Variants in PKP2 observed in about 807,000 individuals in gnomAD.
PKP2 encodes the protein plakophilin 2.
PKP2 carries 73 observed loss-of-function variants against 83.4 expected under a neutral mutation model. The ratio of observed to expected loss-of-function variants is 0.88; its 90% CI spans 0.72 to 1.06. The LOEUF (loss-of-function observed/expected upper bound fraction) is 1.06, where lower values mean the gene tolerates loss of function less well. Among genes scored for constraint, PKP2 ranks in the 50% least tolerant of loss-of-function variants. The pLI, the probability that PKP2 is intolerant of heterozygous loss-of-function variation, is 0.00. For synonymous variants in PKP2, 409 were observed against 430.4 expected, an observed-to-expected ratio of 0.95 and a Z score of 0.62; for missense variants, 966 against 1,065.4, an observed-to-expected ratio of 0.91 and a Z score of 1.30.
At chr12:32,824,279 A>C in intron 6 of PKP2, 117 bp from the exon 7 acceptor site, 1 of 759,836 alleles carries the variant, frequency 1.3e-6, no homozygotes, top group Non-Finnish European at 2.4e-6. Flanking sequence ...AAATTTGTAA[A>C]AGTGTGGCAG....
chr12:32,841,899 T>C (rs1404669979), intron 5 of PKP2, among the ~76,000 whole-genome samples: 4 of 152,366 alleles, frequency 2.6e-5, no homozygotes, highest in South Asian at 2.1e-4. Flanking sequence ...ATCTTCCCTA[T>C]TGGCCAACTT....
chr12:32,823,802 C>T (rs1222938427), intron 7 of PKP2, among the ~76,000 whole-genome samples: 5 of 151,978 alleles, frequency 3.3e-5, no homozygotes, highest in Admixed American at 3.3e-4. Context: ...GGGGTTTCAC[C>T]ATGTTATCCA....
At chr12:32,858,512 T>TAA (rs1167553845) in intron 4 of PKP2, among the ~76,000 whole-genome samples, 1 of 152,092 alleles carries the variant, frequency 6.6e-6, no homozygotes, top group Non-Finnish European at 1.5e-5. Flanking sequence ...AAATGCTCCA[T>TAA]AATTATACAA....
intron 9 of PKP2, among the ~76,000 whole-genome samples, chr12:32,811,256 A>G (rs557054095): frequency 6.6e-6 from 1 of 152,372 alleles, no homozygotes; most frequent in African/African-American, 2.4e-5. Context: ...TGCCTGATGC[A>G]TTAGCACATC....
At chr12:32,835,547 A>G (rs764722569) in intron 6 of PKP2, among the ~76,000 whole-genome samples, 49 of 41,006 alleles carry the variant, frequency 1.2e-3, no homozygotes, top group Non-Finnish European at 1.5e-3. Flanking sequence ...AAGAGGAAAA[A>G]AAGAAAAAGA....
intron 1 of PKP2, among the ~76,000 whole-genome samples, chr12:32,883,751 T>TA (rs750692081): frequency 6.6e-5 from 10 of 152,260 alleles, no homozygotes; most frequent in East Asian, 3.9e-4. Flanking sequence ...ACAAATCAGT[T>TA]AGATGCCTGT....
intron 6 of PKP2, 36 bp downstream of exon 6, chr12:32,840,992 G>C (rs1280296619): frequency 1.9e-6 from 3 of 1,547,486 alleles, no homozygotes; most frequent in Non-Finnish European, 2.7e-6. Context: ...ATTTTTTATT[G>C]CATCTTCTAT....
chr12:32,852,856 G>C (rs1425969266), intron 4 of PKP2, among the ~76,000 whole-genome samples: 1 of 152,132 alleles, frequency 6.6e-6, no homozygotes, highest in Non-Finnish European at 1.5e-5. Flanking sequence ...GGTCAAGGTG[G>C]GCGGATCATG....
intron 5 of PKP2, among the ~76,000 whole-genome samples, chr12:32,847,224 A>G (rs562187722): frequency 6.6e-6 from 1 of 152,340 alleles, no homozygotes; most frequent in South Asian, 2.1e-4. Flanking sequence ...GAGGCCCAGA[A>G]AGCCCTTATT....
At chr12:32,808,437 A>G (rs536197719) in intron 9 of PKP2, among the ~76,000 whole-genome samples, 1 of 152,212 alleles carries the variant, frequency 6.6e-6, no homozygotes, top group Non-Finnish European at 1.5e-5. Context: ...TTGTTTTATC[A>G]TGATTCTTAG....
chr12:32,850,565 CA>C lies in PKP2; in HGVS notation c.1378+200del, dbSNP rs796225848. ...TGGGTGATAGAGCAAGATTCTGTCT[CA>C]AAAAAAAAAAAAAGGAATTCGAATG... On this transcript the variant is annotated intron_variant, in intron 5 of 12. Coordinates refer to ENST00000340811, the MANE Select transcript of PKP2 (RefSeq NM_001005242.3). Among the ~76,000 whole-genome samples, 6,915 of 113,880 alleles carry C rather than the reference CA, an allele frequency of 0.061. 200 individuals carry two copies. The highest frequency in any genetic ancestry group is 0.12 in the African/African-American group (3,733 of 31,838). The allele number at this position is 113,880 out of a possible 152,430, so 74.7% of individuals were successfully genotyped here.
intron 9 of PKP2, chr12:32,820,607 T>C (rs1956366666): frequency 6.6e-6 from 1 of 152,320 alleles, no homozygotes; most frequent in African/African-American, 2.4e-5. Context: ...CCAGCATTTA[T>C]TCCTCCTTCC....
chr12:32,832,031 T>C (rs1439697555), intron 6 of PKP2, among the ~76,000 whole-genome samples: 1 of 152,212 alleles, frequency 6.6e-6, no homozygotes, highest in Non-Finnish European at 1.5e-5. Flanking sequence ...CAATCATTTT[T>C]AAAAATCAGG....
At chr12:32,857,466 G>A (rs940456779) in intron 4 of PKP2, among the ~76,000 whole-genome samples, 4 of 151,772 alleles carry the variant, frequency 2.6e-5, no homozygotes, top group South Asian at 4.1e-4. Flanking sequence ...GATCAACAGC[G>A]TCAAATACCA....
intron 10 of PKP2, 133 bp downstream of exon 10, chr12:32,802,270 A>G: frequency 2.3e-6 from 2 of 885,880 alleles, no homozygotes; most frequent in South Asian, 1.3e-5. Flanking sequence ...CACAAAAGGC[A>G]GGCCGGTTTA....
intron 9 of PKP2, among the ~76,000 whole-genome samples, chr12:32,810,360 T>A (rs560105465): frequency 0.12 from 2,792 of 23,298 alleles, 43 homozygotes; most frequent in South Asian, 0.32. Context: ...CAGCCATCAT[T>A]TTTTTTTCTC....
At chr12:32,843,042 C>T (rs1179295379) in intron 5 of PKP2, 3 of 342,208 alleles carry the variant, frequency 8.8e-6, no homozygotes, top group Non-Finnish European at 1.7e-5. Flanking sequence ...TGTAGTGGCA[C>T]AATCTTGGCT....
At chr12:32,826,128 C>A (rs912988067) in intron 6 of PKP2, among the ~76,000 whole-genome samples, 1 of 151,564 alleles carries the variant, frequency 6.6e-6, no homozygotes, top group Non-Finnish European at 1.5e-5. Context: ...ATGGTGAAAA[C>A]CCGTCTCTAC....
At chr12:32,796,527 C>A (rs1300223490) in intron 10 of PKP2, among the ~76,000 whole-genome samples, 1 of 152,172 alleles carries the variant, frequency 6.6e-6, no homozygotes, top group Non-Finnish European at 1.5e-5. Flanking sequence ...GGACTACAGG[C>A]ACCCGCCACC....
Sources: gnomAD v4.1 joint callset for allele counts (sites outside exome capture counted in the v4.1 genomes callset) on GRCh38, gnomAD v4.1.1 for gene constraint, MANE v1.5 for transcripts, NCBI Gene and HGNC (gene_info 2026-07-23, HGNC 2026-07-21) for gene names.